Variants in IL21R observed in about 807,000 individuals in gnomAD.
IL21R encodes interleukin 21 receptor, also known as interleukin-21 receptor.
A neutral mutation model predicts 41.3 loss-of-function variants in IL21R; 14 were observed. That is an observed-to-expected ratio of 0.34 (90% confidence interval 0.22 to 0.53). The LOEUF (loss-of-function observed/expected upper bound fraction) is 0.53. IL21R is among the 20% of genes least tolerant of loss of function. The pLI, the probability that IL21R is intolerant of heterozygous loss-of-function variation, is 0.94. For synonymous variants in IL21R, 286 were observed against 287.6 expected (o/e 0.99, Z 0.05); for missense variants, 588 against 681.6 (o/e 0.86, Z 1.53).
Position 27,444,626 on chromosome 16 carries a change from C to A in IL21R, c.592C>A (p.Leu198Met). ...LEFRKDSSYE[L>M]QVRAGPMPGS... ...GTTCCGCAAAGACTCGAGCTATGAG[C>A]TGCAGGTGCGGGCAGGGCCCATGCC... The change falls in exon 6 of 9, where the codon CTG becomes ATG. Residue 198 changes from leucine to methionine, a missense_variant. Leu to Met is a conservative substitution (Grantham distance 15, BLOSUM62 2). Coordinates refer to ENST00000337929, the MANE Select transcript of IL21R (RefSeq NM_181078.3). The A allele has an allele frequency of 6.3e-7, 1 of 1,590,594 alleles. No individual in the cohort carries two copies. Among genetic ancestry groups the A allele is most frequent in the East Asian group, 2.3e-5 (1 of 42,582 alleles).
chr16:27,407,244 T>C (rs2086762088), intron 1 of IL21R, among the ~76,000 whole-genome samples: 1 of 152,200 alleles, frequency 6.6e-6, no homozygotes, highest in Admixed American at 6.5e-5. Context: ...ACCCAGCCTC[T>C]GAGAGCTCAT....
intron 2 of IL21R, among the ~76,000 whole-genome samples, chr16:27,431,836 G>A (rs2087177866): frequency 6.6e-6 from 1 of 152,114 alleles, no homozygotes; most frequent in Non-Finnish European, 1.5e-5. Flanking sequence ...TAGAGTTGGG[G>A]TTTCACCATG....
At chr16:27,441,464 GA>G (rs2087387587) in intron 4 of IL21R, among the ~76,000 whole-genome samples, 1 of 152,234 alleles carries the variant, frequency 6.6e-6, no homozygotes, top group Non-Finnish European at 1.5e-5. Flanking sequence ...AGGAGACGCT[GA>G]AAGATGAGGA....
chr16:27,404,695 C>A (rs2086710838), intron 1 of IL21R, among the ~76,000 whole-genome samples: 1 of 152,172 alleles, frequency 6.6e-6, no homozygotes, highest in South Asian at 2.1e-4. Context: ...ACTGGCTTCC[C>A]AGCACACCAC....
chr16:27,413,331 C>T (rs1180320259), intron 1 of IL21R, among the ~76,000 whole-genome samples: 1 of 151,770 alleles, frequency 6.6e-6, no homozygotes, highest in Non-Finnish European at 1.5e-5. Flanking sequence ...GGTGTATAGC[C>T]TTTTAATGTG....
intron 1 of IL21R, among the ~76,000 whole-genome samples, chr16:27,424,616 G>A (rs9921638): frequency 0.36 from 54,434 of 152,004 alleles, 10,135 homozygotes; most frequent in East Asian, 0.53. Flanking sequence ...TCCATTTTAT[G>A]GATGAGAAAA....
chr16:27,419,440 G>A (rs1325311213), intron 1 of IL21R, among the ~76,000 whole-genome samples: 1 of 152,140 alleles, frequency 6.6e-6, no homozygotes, highest in African/African-American at 2.4e-5. Flanking sequence ...AACATTTTTT[G>A]TTTGTTTTTA....
At chr16:27,408,394 A>G (rs1596564348) in intron 1 of IL21R, among the ~76,000 whole-genome samples, 1 of 152,352 alleles carries the variant, frequency 6.6e-6, no homozygotes, top group Middle Eastern at 3.4e-3. Flanking sequence ...GAAGTCCAGT[A>G]TGAATACTGG....
At chr16:27,412,041 G>A (rs1188849360) in intron 1 of IL21R, among the ~76,000 whole-genome samples, 1 of 152,204 alleles carries the variant, frequency 6.6e-6, no homozygotes, top group East Asian at 1.9e-4. Context: ...TTTCCCATAT[G>A]TTTTCTTCTA....
At chr16:27,443,169 G>A (rs1029189030) in intron 5 of IL21R, 53 bp downstream of exon 5, 2 of 1,482,990 alleles carry the variant, frequency 1.3e-6, no homozygotes, top group African/African-American at 2.8e-5. Flanking sequence ...GGAGATGACG[G>A]AGTGCAAAGG....
chr16:27,403,058 G>T, intron 1 of IL21R: 3 of 485,566 alleles, frequency 6.2e-6, no homozygotes, highest in South Asian at 3.3e-5. Context: ...TCAAAACAAT[G>T]GCTGGTGTGC....
intron 2 of IL21R, among the ~76,000 whole-genome samples, chr16:27,432,515 C>T (rs1387612335): frequency 6.6e-6 from 1 of 152,160 alleles, no homozygotes; most frequent in Non-Finnish European, 1.5e-5. Context: ...GCCGTTGCCT[C>T]CCCAAGTTTG....
intron 1 of IL21R, among the ~76,000 whole-genome samples, chr16:27,419,618 G>T (rs895590640): frequency 6.6e-6 from 1 of 152,078 alleles, no homozygotes; most frequent in African/African-American, 2.4e-5. Flanking sequence ...AGTAGAGATG[G>T]GGTTTCACCA....
intron 1 of IL21R, among the ~76,000 whole-genome samples, chr16:27,425,886 C>T (rs1183934960): frequency 6.6e-6 from 1 of 152,128 alleles, no homozygotes; most frequent in Non-Finnish European, 1.5e-5. Flanking sequence ...AAAGACAAAC[C>T]ACATCTCCAG....
chr16:27,440,222 A>AATATAT lies in IL21R; in HGVS notation c.352+2557_352+2562dup, dbSNP rs60418304. Among the ~76,000 whole-genome samples the AATATAT allele has an allele frequency of 6.7e-3, 505 of 75,804 alleles. 12 individuals carry two copies. The highest frequency in any genetic ancestry group is 9.3e-3 in the Admixed American group (58 of 6,258). 49.7% of individuals were successfully genotyped at this position (75,804 alleles called of 152,430 possible). The stretch of plus-strand genomic sequence containing the variant: ...GCAAGGTTCATTAGTTAATCTGACA[A>AATATAT]ATATATATATATATATATATATATA... On this transcript the variant is annotated intron_variant, in intron 4 of 8. Coordinates refer to ENST00000337929, the MANE Select transcript of IL21R (RefSeq NM_181078.3).
chr16:27,408,852 C>T (rs924132450), intron 1 of IL21R, among the ~76,000 whole-genome samples: 2 of 152,170 alleles, frequency 1.3e-5, no homozygotes, highest in African/African-American at 4.8e-5. Context: ...AGGAACTAGA[C>T]GCATCCCATT....
At chr16:27,436,740 CT>C (rs1347291749) in intron 3 of IL21R, among the ~76,000 whole-genome samples, 1 of 152,142 alleles carries the variant, frequency 6.6e-6, no homozygotes, top group African/African-American at 2.4e-5. Context: ...TCATTTAGCT[CT>C]TTTCCTGGCC....
At chr16:27,433,604 ACC>A (rs2087212101) in intron 2 of IL21R, among the ~76,000 whole-genome samples, 1 of 152,200 alleles carries the variant, frequency 6.6e-6, no homozygotes, top group African/African-American at 2.4e-5. Context: ...TGATGATTGC[ACC>A]CCTGTTTTAG....
chr16:27,437,678 G>T lies in IL21R; in HGVS notation c.343G>T (p.Ala115Ser), dbSNP rs1396061327. Reference protein sequence around the residue: ...YSQECGSFLLAESIKPAPPFN... With the variant: ...YSQECGSFLLSESIKPAPPFN... ...CCAGGAGTGTGGCAGCTTTCTCCTG[G>T]CTGAGAGCAGTGAGTATCCTGGGAC... Residue 115 changes from alanine (A) to serine (S), a missense_variant, in exon 4 of 9, where the codon GCT becomes TCT. Ala to Ser is a moderately conservative substitution (Grantham distance 99). Transcript: ENST00000337929. The T allele has an allele frequency of 6.2e-7, 1 of 1,613,894 alleles. No individual in the cohort carries two copies. Among genetic ancestry groups the T allele is most frequent in the South Asian group, 1.1e-5 (1 of 91,060 alleles).
Sources: gnomAD v4.1 joint callset for allele counts (sites outside exome capture counted in the v4.1 genomes callset) on GRCh38, gnomAD v4.1.1 for gene constraint, MANE v1.5 for transcripts, NCBI Gene and HGNC (gene_info 2026-07-23, HGNC 2026-07-21) for gene names.